The following CALN1 variants were observed in gnomAD, a reference collection of about 807,000 sequenced individuals.
CALN1 encodes calcium-binding protein 8.
In CALN1, 17 loss-of-function variants were observed where a neutral mutation model predicts 30.6. The ratio of observed to expected loss-of-function variants is 0.56; its 90% CI spans 0.38 to 0.83. The LOEUF is 0.83. CALN1 is among the 40% of genes least tolerant of loss of function. CALN1 has a pLI of 0.00. For synonymous variants in CALN1, 156 were observed against 131.4 expected, an observed-to-expected ratio of 1.19 and a Z score of -1.28; for missense variants, 291 against 354.9, an observed-to-expected ratio of 0.82 and a Z score of 1.45.
At chr7:71,849,631 T>C (rs1445129206) in intron 5 of CALN1, among the ~76,000 whole-genome samples, 12 of 152,158 alleles carry the variant, frequency 7.9e-5, no homozygotes. Context: ...GAAAAGGTCT[T>C]CTATATTATT....
chr7:72,501,485 GGGAAGGAA>G, the CALN1 span, among the ~76,000 whole-genome samples: 1 of 145,252 alleles, frequency 6.9e-6, no homozygotes. Context: ...GAAGGAAGGA[GGGAAGGAA>G]GGAAGGATGG....
intron 5 of CALN1, among the ~76,000 whole-genome samples, chr7:71,872,782 T>G (rs56890305): frequency 0.25 from 37,324 of 151,072 alleles, 4,934 homozygotes; most frequent in African/African-American, 0.32. Flanking sequence ...CCCAGCTAAT[T>G]TTAGTATTTT....
intron 2 of CALN1, among the ~76,000 whole-genome samples, chr7:72,361,609 C>G (rs921799787): frequency 3.9e-5 from 6 of 152,162 alleles, no homozygotes; most frequent in Non-Finnish European, 7.3e-5. Flanking sequence ...TACACTGGAC[C>G]AAATGATACC....
intron 2 of CALN1, among the ~76,000 whole-genome samples, chr7:72,315,879 A>T (rs1007870515): frequency 1.3e-5 from 2 of 152,154 alleles, no homozygotes; most frequent in Non-Finnish European, 1.5e-5. Flanking sequence ...GCCGGGCGCG[A>T]ATCATGCCTG....
chr7:72,329,948 C>T lies in CALN1; in HGVS notation c.120-51138G>A, dbSNP rs186502689. 6.7e-5 allele frequency among the ~76,000 whole-genome samples: 10 copies of T among 149,862 alleles called. No homozygotes were observed. The East Asian group carries it at 1.0e-3, about 15-fold the overall frequency. The stretch of plus-strand genomic sequence containing the variant: ...CAGCCTGGGCAACAGAGCAAGACTC[C>T]GTCTCAAAAAATAAATAAATATAAA... On this transcript the variant is annotated intron_variant, in intron 2 of 6. Coordinates refer to ENST00000395275, the MANE Select transcript of CALN1 (RefSeq NM_031468.4).
At chr7:72,495,548 G>A in the CALN1 span, among the ~76,000 whole-genome samples, 1 of 152,150 alleles carries the variant, frequency 6.6e-6, no homozygotes, top group Non-Finnish European at 1.5e-5. Flanking sequence ...ATTCAAGCAG[G>A]TCCATGCCAC....
At chr7:72,030,075 C>T (rs1053746055) in intron 4 of CALN1, among the ~76,000 whole-genome samples, 4 of 152,094 alleles carry the variant, frequency 2.6e-5, no homozygotes, top group East Asian at 1.9e-4. Flanking sequence ...CAGATAGTAA[C>T]GGAATTCAAT....
chr7:72,456,620 G>A, the CALN1 span, among the ~76,000 whole-genome samples: 2 of 152,146 alleles, frequency 1.3e-5, no homozygotes, highest in African/African-American at 4.8e-5. Flanking sequence ...GGAAGGCCGA[G>A]GCTGGCAGAC....
intron 5 of CALN1, among the ~76,000 whole-genome samples, chr7:71,992,350 C>A (rs539676030): frequency 1.3e-5 from 2 of 151,818 alleles, no homozygotes; most frequent in African/African-American, 2.4e-5. Flanking sequence ...AAGACTTTCA[C>A]ATTTTTTTTT....
At chr7:72,245,116 A>G (rs1205286942) in intron 3 of CALN1, among the ~76,000 whole-genome samples, 2 of 152,214 alleles carry the variant, frequency 1.3e-5, no homozygotes, top group Non-Finnish European at 2.9e-5. Context: ...GAGGTGACGT[A>G]GACAGAACAA....
At chr7:71,866,792 G>A (rs1791611758) in intron 5 of CALN1, among the ~76,000 whole-genome samples, 3 of 152,124 alleles carry the variant, frequency 2.0e-5, no homozygotes, top group African/African-American at 4.8e-5. Flanking sequence ...TGAAATAGGG[G>A]GAGAAAGGTC....
chr7:72,335,241 T>C (rs1260704125), intron 2 of CALN1, among the ~76,000 whole-genome samples: 1 of 152,242 alleles, frequency 6.6e-6, no homozygotes, highest in Non-Finnish European at 1.5e-5. Context: ...AAACACGTCC[T>C]GTTCTAGCCT....
At chr7:71,977,801 G>A (rs1332221384) in intron 5 of CALN1, among the ~76,000 whole-genome samples, 1 of 151,788 alleles carries the variant, frequency 6.6e-6, no homozygotes, top group Non-Finnish European at 1.5e-5. Flanking sequence ...GCATGGTGGC[G>A]GGCGACTGTA....
chr7:72,016,577 C>T (rs368547316), intron 5 of CALN1, among the ~76,000 whole-genome samples: 18 of 151,950 alleles, frequency 1.2e-4, no homozygotes, highest in African/African-American at 4.1e-4. Context: ...GCTGGAACTA[C>T]AGGTATGTAC....
chr7:72,296,104 G>A (rs893117799), intron 2 of CALN1, among the ~76,000 whole-genome samples: 12 of 151,902 alleles, frequency 7.9e-5, no homozygotes, highest in African/African-American at 2.9e-4. Flanking sequence ...GGCTTTTTCT[G>A]CATCTATTGA....
upstream of CALN1, among the ~76,000 whole-genome samples, chr7:72,448,766 C>A (rs775970595): frequency 6.6e-5 from 10 of 152,130 alleles, no homozygotes; most frequent in Middle Eastern, 6.8e-3. Flanking sequence ...CCACCATGCC[C>A]GGATAATTTT....
intron 2 of CALN1, among the ~76,000 whole-genome samples, chr7:72,326,442 T>A (rs747175305): frequency 6.6e-6 from 1 of 152,244 alleles, no homozygotes; most frequent in Non-Finnish European, 1.5e-5. Context: ...AGCACTAAGC[T>A]AGTTTGCCTG....
intron 5 of CALN1, among the ~76,000 whole-genome samples, chr7:71,888,023 A>G (rs902871406): frequency 6.6e-6 from 1 of 152,122 alleles, no homozygotes; most frequent in Non-Finnish European, 1.5e-5. Flanking sequence ...CCATGGCACT[A>G]AAGTTTTGAA....
At chr7:72,173,237 T>C (rs1418308981) in intron 3 of CALN1, among the ~76,000 whole-genome samples, 1 of 151,972 alleles carries the variant, frequency 6.6e-6, no homozygotes, top group Non-Finnish European at 1.5e-5. Context: ...AAAGTACATA[T>C]GAATAAAACT....
Sources: gnomAD v4.1 joint callset for allele counts (sites outside exome capture counted in the v4.1 genomes callset) on GRCh38, gnomAD v4.1.1 for gene constraint, MANE v1.5 for transcripts, NCBI Gene and HGNC (gene_info 2026-07-23, HGNC 2026-07-21) for gene names.